GALNT7: variants seen among roughly 807,000 people sequenced by gnomAD.
GALNT7 encodes the protein polypeptide N-acetylgalactosaminyltransferase 7.
A neutral mutation model predicts 82.1 loss-of-function variants in GALNT7; 60 were observed. The observed-to-expected ratio is 0.73, with a 90% CI of 0.59 to 0.91. GALNT7 has a LOEUF of 0.91. Among genes scored for constraint, GALNT7 ranks in the 40% least tolerant of loss-of-function variants. The pLI, the probability that GALNT7 is intolerant of heterozygous loss-of-function variation, is 0.00. For missense variants in GALNT7, 660 were observed against 804.2 expected (o/e 0.82, Z 2.17); for synonymous variants, 243 against 275.1 (o/e 0.88, Z 1.15).
chr4:173,173,195 A>G (rs1221252170), intron 1 of GALNT7, among the ~76,000 whole-genome samples: 2 of 152,188 alleles, frequency 1.3e-5, no homozygotes, highest in East Asian at 3.8e-4. Context: ...GAAAGTTCTC[A>G]AAGCAAAATG....
At chr4:173,234,284 A>G (rs973246450) in intron 1 of GALNT7, among the ~76,000 whole-genome samples, 3 of 151,534 alleles carry the variant, frequency 2.0e-5, no homozygotes, top group African/African-American at 4.9e-5. Flanking sequence ...TCTCTCCATC[A>G]CTCGTCTTAT....
chr4:173,211,960 A>G (rs2126672527), intron 1 of GALNT7, among the ~76,000 whole-genome samples: 1 of 152,332 alleles, frequency 6.6e-6, no homozygotes, highest in South Asian at 2.1e-4. Flanking sequence ...CATATCTTTA[A>G]TAACAAGGCT....
chr4:173,194,637 TATTA>T (rs1365392511), intron 1 of GALNT7, among the ~76,000 whole-genome samples: 2 of 152,228 alleles, frequency 1.3e-5, no homozygotes, highest in Non-Finnish European at 2.9e-5. Context: ...TTTATTTATT[TATTA>T]GTTTTTTTTA....
At chr4:173,280,444 C>G (rs1189312349) in intron 2 of GALNT7, among the ~76,000 whole-genome samples, 1 of 152,194 alleles carries the variant, frequency 6.6e-6, no homozygotes, top group Non-Finnish European at 1.5e-5. Context: ...TGGAAAATCA[C>G]TATGGAAATT....
In GALNT7 at chr4:173,169,213, C is replaced by T. The variant is rs1445731944; in HGVS notation, c.126+252C>T. ...CGCCCCGGGCTCCGTCGCCGACACC[C>T]GCGCTGCCGCGGCAGCGGCTCGGGC... On this transcript the variant is annotated intron_variant, in intron 1 of 11. Coordinates refer to ENST00000265000, the MANE Select transcript of GALNT7 (RefSeq NM_017423.3). 6 of 152,928 alleles carry T rather than the reference C, an allele frequency of 3.9e-5. No individual in the cohort carries two copies. The East Asian group carries it at 9.6e-4, about 25-fold the overall frequency. The allele number at this position is 152,928 out of a possible 1,614,324, so 9.5% of individuals were successfully genotyped here.
intron 1 of GALNT7, among the ~76,000 whole-genome samples, chr4:173,211,356 C>A (rs1733279787): frequency 6.6e-6 from 1 of 152,166 alleles, no homozygotes; most frequent in Admixed American, 6.5e-5. Flanking sequence ...GTGATATTGA[C>A]AAGTACATTT....
rs1429639857 is a variant in GALNT7, at chr4:173,269,389, C to A, written c.587+20949C>A. On this transcript the variant is annotated intron_variant, in intron 2 of 11. Coordinates refer to ENST00000265000, the MANE Select transcript of GALNT7 (RefSeq NM_017423.3). Reference sequence around the variant, plus strand: ...ACCTCCTTTTATAGATACCTAACTGCTAAAATGGGCTTGGGAAGGCAGCTG... The same window carrying A: ...ACCTCCTTTTATAGATACCTAACTGATAAAATGGGCTTGGGAAGGCAGCTG... 3.3e-5 allele frequency among the ~76,000 whole-genome samples: 5 copies of A among 152,226 alleles called. No individual in the cohort carries two copies. In the South Asian group the frequency reaches 1.0e-3, roughly 32 times the overall value.
chr4:173,174,618 A>C lies in GALNT7; in HGVS notation c.126+5657A>C, dbSNP rs7671278. Among the ~76,000 whole-genome samples, 6 of 151,506 alleles carry C rather than the reference A, an allele frequency of 4.0e-5. No homozygotes were observed. The South Asian group carries it at 6.3e-4, about 16-fold the overall frequency. On this transcript the variant is annotated intron_variant, in intron 1 of 11. Transcript: ENST00000265000. Reference sequence around the variant, plus strand: ...GTTACCACCTGCTTGCCCCTCCCCCATCCCCATCCTCCCCTCCCTAAGACC... The same window carrying C: ...GTTACCACCTGCTTGCCCCTCCCCCCTCCCCATCCTCCCCTCCCTAAGACC...
At chr4:173,242,252 A>C (rs953642844) in intron 1 of GALNT7, among the ~76,000 whole-genome samples, 1 of 152,308 alleles carries the variant, frequency 6.6e-6, no homozygotes, top group East Asian at 1.9e-4. Context: ...AAGCGGGTCT[A>C]TTTCTTTGAG....
intron 1 of GALNT7, among the ~76,000 whole-genome samples, chr4:173,208,445 A>G (rs1235466052): frequency 6.6e-6 from 1 of 152,128 alleles, no homozygotes; most frequent in Non-Finnish European, 1.5e-5. Context: ...ACCTAATTCT[A>G]TTTTGTACTC....
At chr4:173,304,793 G>A (rs1411754114) in intron 8 of GALNT7, among the ~76,000 whole-genome samples, 1 of 151,756 alleles carries the variant, frequency 6.6e-6, no homozygotes, top group Non-Finnish European at 1.5e-5. Flanking sequence ...GTCTTTCTGT[G>A]CCTGGCTTAT....
intron 1 of GALNT7, among the ~76,000 whole-genome samples, chr4:173,233,590 C>T (rs1734112950): frequency 6.6e-6 from 1 of 152,224 alleles, no homozygotes; most frequent in Non-Finnish European, 1.5e-5. Context: ...TTAATTCAGA[C>T]TGCAGTGGTT....
chr4:173,243,107 C>G (rs530953944), intron 1 of GALNT7, among the ~76,000 whole-genome samples: 45 of 152,290 alleles, frequency 3.0e-4, no homozygotes, highest in Admixed American at 2.8e-3. Context: ...GCTTAGTTTT[C>G]TAGGCTTCAC....
At chr4:173,307,217 A>T (rs1231765075) in intron 8 of GALNT7, among the ~76,000 whole-genome samples, 2 of 152,252 alleles carry the variant, frequency 1.3e-5, no homozygotes. Flanking sequence ...TCATAGGCTC[A>T]CTTGCAGCGG....
In GALNT7 at chr4:173,255,439, A is replaced by G. The variant is rs564794919; in HGVS notation, c.587+6999A>G. ...ACAATTCACAAAGTATGCCTGATAA[A>G]AAGTTATAAACTCACGTTGCATTTA... On this transcript the variant is annotated intron_variant, in intron 2 of 11. Coordinates refer to ENST00000265000, the MANE Select transcript of GALNT7 (RefSeq NM_017423.3). Among the ~76,000 whole-genome samples the G allele has an allele frequency of 3.9e-5, 6 of 152,262 alleles. No individual in the cohort carries two copies. In the East Asian group the frequency reaches 1.2e-3, roughly 29 times the overall value.
Position 173,294,358 on chromosome 4 carries a change from A to G in GALNT7, c.755-1038A>G, listed in dbSNP as rs553651965. 9.7e-4 allele frequency among the ~76,000 whole-genome samples: 148 copies of G among 152,128 alleles called. 1 individual carries two copies. Among genetic ancestry groups the G allele is most frequent in the South Asian group, 5.4e-3 (26 of 4,812 alleles). ...GATTAAGCACGAGAATTTTATTTAT[A>G]ATACTTATTAAAACTGGGTACCAAA... On this transcript the variant is annotated intron_variant, in intron 3 of 11. Coordinates refer to ENST00000265000, the MANE Select transcript of GALNT7 (RefSeq NM_017423.3).
intron 1 of GALNT7, among the ~76,000 whole-genome samples, chr4:173,179,899 C>T (rs11942280): frequency 0.23 from 35,516 of 152,064 alleles, 4,576 homozygotes; most frequent in African/African-American, 0.35. Flanking sequence ...GTACTTACTG[C>T]TGTACTTCAA....
intron 1 of GALNT7, among the ~76,000 whole-genome samples, chr4:173,197,063 C>CTTTTTTTTTTT (rs5864189): frequency 8.5e-6 from 1 of 117,946 alleles, no homozygotes; most frequent in Non-Finnish European, 1.7e-5. Context: ...CTCTCTCTCC[C>CTTTTTTTTTTT]TTTTTTTTTT....
intron 1 of GALNT7, among the ~76,000 whole-genome samples, chr4:173,206,186 T>G (rs1441238292): frequency 3.9e-5 from 6 of 152,178 alleles, no homozygotes; most frequent in African/African-American, 1.4e-4. Flanking sequence ...TGCCGGCAGA[T>G]CCAAAGCAAA....
Sources: allele counts gnomAD v4.1 joint callset (sites outside exome capture counted in the v4.1 genomes callset), GRCh38; gene constraint gnomAD v4.1.1; transcripts MANE v1.5; gene names NCBI Gene and HGNC (gene_info 2026-07-23, HGNC 2026-07-21).